The following OSBPL2 variants were observed in gnomAD, a reference collection of about 807,000 sequenced individuals.
The protein encoded by OSBPL2 is oxysterol binding protein like 2.
A neutral mutation model predicts 58.4 loss-of-function variants in OSBPL2; 18 were observed. That is an observed-to-expected ratio of 0.31 (90% CI 0.21 to 0.46). The LOEUF (loss-of-function observed/expected upper bound fraction) is 0.46, where lower values mean the gene tolerates loss of function less well. OSBPL2 is among the 20% of genes least tolerant of loss of function. OSBPL2 has a pLI of 1.00. For synonymous variants in OSBPL2, 221 were observed against 234.1 expected, an observed-to-expected ratio of 0.94 and a Z score of 0.51; for missense variants, 461 against 616.5, an observed-to-expected ratio of 0.75 and a Z score of 2.67.
chr20:62,278,219 A>G, intron 6 of OSBPL2: 1 of 181,220 alleles, frequency 5.5e-6, no homozygotes, highest in South Asian at 7.4e-5. Flanking sequence ...GCCAAGTGCG[A>G]TGTCATGTTT....
intron 10 of OSBPL2, 104 bp from the exon 11 acceptor site, chr20:62,286,479 C>A: frequency 1.6e-6 from 2 of 1,267,542 alleles, no homozygotes; most frequent in Non-Finnish European, 2.2e-6. Context: ...GGCTGCCTGG[C>A]TCTGCTCAGG....
At position 62,269,073 on chromosome 20, in the gene OSBPL2, T is replaced by A. The variant is rs1055248394; in HGVS notation, c.259-3052T>A. 3.3e-5 allele frequency among the ~76,000 whole-genome samples: 5 copies of A among 150,128 alleles called. No homozygotes were observed. The highest frequency in any genetic ancestry group is 7.4e-5 in the Non-Finnish European group (5 of 67,208). On this transcript the variant is annotated intron_variant, in intron 4 of 13. Coordinates refer to ENST00000313733, the MANE Select transcript of OSBPL2 (RefSeq NM_144498.4). This position sits in a 1 kb window ranked among gnomAD's most constrained non-coding sequence, Gnocchi z 4.2. ...GACTCCAACTCAAAAAAAAAAAAAA[T>A]GTTTTTTTGTAGAGACGGGGTCTCA... is the stretch of plus-strand genomic sequence containing the variant.
intron 1 of OSBPL2, among the ~76,000 whole-genome samples, chr20:62,246,828 A>G (rs978954004): frequency 1.3e-5 from 2 of 152,002 alleles, no homozygotes; most frequent in Non-Finnish European, 1.5e-5. Context: ...TCATGTTCCC[A>G]TCCTCCAGCC....
rs1198351791 is a variant in OSBPL2, at chr20:62,281,150, A to G, written c.767A>G (p.Glu256Gly). 6.2e-7 allele frequency: 1 copy of G among 1,610,592 alleles called. No homozygotes were observed. The highest frequency in any genetic ancestry group is 2.2e-5 in the East Asian group (1 of 44,744). The change falls in exon 8 of 14, where the codon GAG (glutamate) becomes GGG (glycine). Residue 256 changes from glutamate to glycine, a missense_variant. Around this residue, in one of 5 missense-constraint regions of OSBPL2, gnomAD observed 319 missense variants for 419.2 expected, o/e 0.76. Coordinates refer to ENST00000313733, the MANE Select transcript of OSBPL2 (RefSeq NM_144498.4). The part of the protein sequence containing the change: ...KLWIEQYGTV[E>G]ILNHRTGHKC... ...TGGATAGAGCAGTATGGGACAGTGGAGATTTTAAACCACAGGTGACAGCAC... is the reference window on the plus strand; with the variant it reads ...TGGATAGAGCAGTATGGGACAGTGGGGATTTTAAACCACAGGTGACAGCAC...
intron 3 of OSBPL2, among the ~76,000 whole-genome samples, chr20:62,262,591 T>C (rs1391682885): frequency 6.6e-6 from 1 of 152,210 alleles, no homozygotes; most frequent in African/African-American, 2.4e-5. Context: ...CAGATGTTCC[T>C]TTTCTTTTCC....
intron 9 of OSBPL2, 82 bp downstream of exon 9, chr20:62,281,961 C>T (rs1464344333): frequency 1.1e-5 from 9 of 809,346 alleles, no homozygotes; most frequent in South Asian, 9.9e-5. Flanking sequence ...CCTGGGCCTG[C>T]GTGTGCCTAC....
intron 5 of OSBPL2, among the ~76,000 whole-genome samples, chr20:62,272,888 C>T (rs1982154999): frequency 6.6e-6 from 1 of 152,068 alleles, no homozygotes; most frequent in African/African-American, 2.4e-5. Flanking sequence ...AGAGTGAGAC[C>T]CTGTGTCTAA....
intron 13 of OSBPL2, 139 bp from the exon 14 acceptor site, chr20:62,293,646 T>C (rs78878120): frequency 6.3e-6 from 4 of 633,942 alleles, no homozygotes; most frequent in African/African-American, 5.8e-5. Context: ...CCGTTGAAGT[T>C]GTTACGCTGG....
Position 62,281,225 on chromosome 20 carries a change from G to A in OSBPL2, c.782+60G>A, listed in dbSNP as rs2282213. 118,689 of 1,239,048 alleles carry A rather than the reference G, an allele frequency of 0.096. 6,291 individuals carry two copies. The highest frequency in any genetic ancestry group is 0.21 in the East Asian group (8,814 of 42,416). The allele number at this position is 1,239,048 out of a possible 1,614,324, so 76.8% of individuals were successfully genotyped here. A position where few individuals can be genotyped will look rare whatever the true frequency, so the allele number is the denominator to read the frequency against. On this transcript the variant is annotated intron_variant, in intron 8 of 13. Transcript: ENST00000313733. Reference sequence around the variant, plus strand: ...GCTCCGGGTGGGGATGGGCGAGCCGGGGAGCGTGAGCATCCGTGCTCCTGG... The same window carrying A: ...GCTCCGGGTGGGGATGGGCGAGCCGAGGAGCGTGAGCATCCGTGCTCCTGG...
intron 12 of OSBPL2, among the ~76,000 whole-genome samples, chr20:62,290,411 G>GTTTT (rs3065795): frequency 0.031 from 2,392 of 76,380 alleles, 53 homozygotes; most frequent in East Asian, 0.039. Flanking sequence ...AATTTTTTGG[G>GTTTT]TTTTTTTTTT....
chr20:62,281,829 A>T lies in OSBPL2; in HGVS notation c.822A>T (p.Gly274=), dbSNP rs796512336. ...HKCVLHFKPC[G]LFGKELHKVE... Reference sequence around the variant, plus strand: ...GTGTGCTTCACTTTAAACCGTGTGGATTATTTGGAAAAGAACTTCACAAGG... The same window carrying T: ...GTGTGCTTCACTTTAAACCGTGTGGTTTATTTGGAAAAGAACTTCACAAGG... The change falls in exon 9 of 14, where the codon GGA becomes GGT. Residue 274 remains glycine (G), a synonymous_variant. Coordinates refer to ENST00000313733, the MANE Select transcript of OSBPL2 (RefSeq NM_144498.4). 3.7e-6 allele frequency: 6 copies of T among 1,612,572 alleles called. No individual in the cohort carries two copies. The African/African-American group carries it at 8.0e-5, about 21-fold the overall frequency.
intron 11 of OSBPL2, 128 bp from the exon 12 acceptor site, chr20:62,289,079 G>A (rs1386766867): frequency 6.2e-6 from 6 of 972,148 alleles, no homozygotes; most frequent in South Asian, 3.3e-5. Context: ...AGACGTGAGC[G>A]GAAGTAGGTT....
At chr20:62,267,137 C>T (rs147700704) in intron 4 of OSBPL2, among the ~76,000 whole-genome samples, 44 of 152,304 alleles carry the variant, frequency 2.9e-4, no homozygotes, top group African/African-American at 8.4e-4. Context: ...CCCAGCTACT[C>T]GGGTGGCTGA....
chr20:62,289,851 G>A (rs1207621582), intron 12 of OSBPL2, among the ~76,000 whole-genome samples: 1 of 152,122 alleles, frequency 6.6e-6, no homozygotes, highest in African/African-American at 2.4e-5. Context: ...GTTGCAGTGA[G>A]CCGAGATTAT....
At chr20:62,275,044 G>A (rs1291040539) in intron 6 of OSBPL2, among the ~76,000 whole-genome samples, 1 of 152,098 alleles carries the variant, frequency 6.6e-6, no homozygotes, top group Non-Finnish European at 1.5e-5. Flanking sequence ...GATGAATCAG[G>A]CATAATCCCA....
At chr20:62,277,447 G>A (rs1473203659) in intron 6 of OSBPL2, among the ~76,000 whole-genome samples, 3 of 152,326 alleles carry the variant, frequency 2.0e-5, no homozygotes, top group Middle Eastern at 3.4e-3. Context: ...ATGCACCTTC[G>A]CAACGCCGAG....
chr20:62,286,462 A>AG, intron 10 of OSBPL2, 121 bp from the exon 11 acceptor site: 1 of 1,102,504 alleles, frequency 9.1e-7, no homozygotes, highest in Non-Finnish European at 1.3e-6. Flanking sequence ...AAAAAAAAAA[A>AG]GGAGAAGGCT....
intron 4 of OSBPL2, 63 bp downstream of exon 4, chr20:62,263,754 A>T (rs1981474228): frequency 1.4e-6 from 2 of 1,441,796 alleles, no homozygotes; most frequent in South Asian, 2.3e-5. Context: ...AAGGTATTGC[A>T]GTGCTGGTGG....
chr20:62,286,810 G>C (rs1687751028), intron 11 of OSBPL2, 99 bp downstream of exon 11: 1 of 1,369,912 alleles, frequency 7.3e-7, no homozygotes, highest in Non-Finnish European at 9.9e-7. Context: ...GCCCTTGCCT[G>C]CCGCCTCGCC....
Sources: allele counts gnomAD v4.1 joint callset (sites outside exome capture counted in the v4.1 genomes callset), GRCh38; gene constraint gnomAD v4.1.1; regional missense constraint gnomAD v4.1.1; non-coding constraint Gnocchi (gnomAD v3.1); transcripts MANE v1.5; gene names NCBI Gene and HGNC (gene_info 2026-07-23, HGNC 2026-07-21).